TMEM117: variants seen among roughly 807,000 people sequenced by gnomAD.
The protein encoded by TMEM117 is transmembrane protein 117.
In TMEM117, 27 loss-of-function variants were observed where a neutral mutation model predicts 52.4. The ratio of observed to expected loss-of-function variants is 0.51; its 90% CI spans 0.38 to 0.71. The LOEUF is 0.71. Ranked by LOEUF, TMEM117 falls within the 30% of genes least tolerant of loss-of-function variation. The probability of loss-of-function intolerance (pLI) is 0.00; values close to 1 mark genes in which losing one functional copy is unlikely to be tolerated. For missense variants in TMEM117, 556 were observed against 630.5 expected, an observed-to-expected ratio of 0.88 and a Z score of 1.26; for synonymous variants, 215 against 206.3, an observed-to-expected ratio of 1.04 and a Z score of -0.36.
intron 4 of TMEM117, among the ~76,000 whole-genome samples, chr12:44,161,439 A>AG (rs1442484863): frequency 6.6e-6 from 1 of 152,184 alleles, no homozygotes; most frequent in Non-Finnish European, 1.5e-5. Flanking sequence ...ATGTCATGAT[A>AG]GGCTCTCATA....
chr12:44,282,919 A>G (rs1950595784), intron 5 of TMEM117, among the ~76,000 whole-genome samples: 1 of 152,220 alleles, frequency 6.6e-6, no homozygotes, highest in East Asian at 1.9e-4. Context: ...TGTGCAGCCT[A>G]GGGACTTGGT....
Position 44,249,247 on chromosome 12 carries a change from T to C in TMEM117, c.608+37860T>C, listed in dbSNP as rs1016693562. Among the ~76,000 whole-genome samples, 5 of 152,148 alleles carry C rather than the reference T, an allele frequency of 3.3e-5. No individual in the cohort carries two copies. In the South Asian group the frequency reaches 6.2e-4, roughly 19 times the overall value. On this transcript the variant is annotated intron_variant, in intron 5 of 7. Coordinates refer to ENST00000266534, the MANE Select transcript of TMEM117 (RefSeq NM_032256.3). The stretch of plus-strand genomic sequence containing the variant: ...TCAAATGTATGTGGTATACAACTAC[T>C]AATATCTTGTCGAAGTTACATGTTT...
chr12:44,108,258 G>A (rs948758672), intron 3 of TMEM117, among the ~76,000 whole-genome samples: 3 of 149,008 alleles, frequency 2.0e-5, no homozygotes, highest in Non-Finnish European at 3.0e-5. Context: ...ACATTGTGCA[G>A]GTTAGTTACA....
intron 5 of TMEM117, among the ~76,000 whole-genome samples, chr12:44,242,360 G>A (rs1255946096): frequency 6.6e-6 from 1 of 151,636 alleles, no homozygotes; most frequent in Non-Finnish European, 1.5e-5. Context: ...TTATCATTTA[G>A]CTCTCACTTG....
chr12:44,199,938 T>C, intron 4 of TMEM117, among the ~76,000 whole-genome samples: 1 of 151,954 alleles, frequency 6.6e-6, no homozygotes, highest in Admixed American at 6.6e-5. Flanking sequence ...GTCAACATGG[T>C]GAAATCCCAT....
At chr12:44,345,967 G>A (rs2138764800) in intron 6 of TMEM117, among the ~76,000 whole-genome samples, 1 of 152,152 alleles carries the variant, frequency 6.6e-6, no homozygotes, top group South Asian at 2.1e-4. Flanking sequence ...AAATCTTACA[G>A]ATCATCTACT....
rs553129845 is a variant in TMEM117 at position 43,970,689 on chromosome 12, T to C, written c.410+26347T>C. On this transcript the variant is annotated intron_variant, in intron 3 of 7. Transcript: ENST00000266534. ...TGTATATATAGGAAAAAACAGTATA[T>C]ATAGGGTTCAGTATTATCTGTGGTT... Among the ~76,000 whole-genome samples, 8 of 152,290 alleles carry C rather than the reference T, an allele frequency of 5.3e-5. No homozygotes were observed. In the East Asian group the frequency reaches 1.5e-3, roughly 29 times the overall value.
downstream of TMEM117, among the ~76,000 whole-genome samples, chr12:44,391,064 C>T (rs1952159275): frequency 6.6e-6 from 1 of 152,048 alleles, no homozygotes; most frequent in Middle Eastern, 3.2e-3. Flanking sequence ...GAAAGCTTAA[C>T]AAATGTGATG....
At chr12:44,278,014 G>A (rs181305974) in intron 5 of TMEM117, among the ~76,000 whole-genome samples, 44 of 151,844 alleles carry the variant, frequency 2.9e-4, no homozygotes, top group Admixed American at 3.9e-4. Context: ...TGCCTGCCTC[G>A]GCCTCCTAAA....
chr12:44,091,143 CA>C (rs1293797812), intron 3 of TMEM117, among the ~76,000 whole-genome samples: 1 of 151,900 alleles, frequency 6.6e-6, no homozygotes, highest in African/African-American at 2.4e-5. Flanking sequence ...ATGGTGGCGG[CA>C]AGAGAAAAAG....
chr12:43,845,460 C>CAA (rs10677136), intron 2 of TMEM117, among the ~76,000 whole-genome samples: 1,447 of 32,656 alleles, frequency 0.044, 173 homozygotes, highest in African/African-American at 0.094. Flanking sequence ...GACTCCATCT[C>CAA]AAAAAAAAAA....
Position 44,096,600 on chromosome 12 carries a change from A to G in TMEM117, c.411-46925A>G, listed in dbSNP as rs1308716757. 3.3e-5 allele frequency among the ~76,000 whole-genome samples: 5 copies of G among 151,494 alleles called. No individual in the cohort carries two copies. The South Asian group carries it at 6.2e-4, about 19-fold the overall frequency. ...CTGATCTTTGACAAACCTGAGAAAAACAAGCAATGGGGAAAGGATTCCCTA... is the reference window on the plus strand; with the variant it reads ...CTGATCTTTGACAAACCTGAGAAAAGCAAGCAATGGGGAAAGGATTCCCTA... On this transcript the variant is annotated intron_variant, in intron 3 of 7. Transcript: ENST00000266534.
chr12:44,368,684 C>G (rs1385383111), intron 6 of TMEM117, among the ~76,000 whole-genome samples: 1 of 152,096 alleles, frequency 6.6e-6, no homozygotes, highest in African/African-American at 2.4e-5. Context: ...GGAGCCAGAA[C>G]AGATACTGGA....
intron 5 of TMEM117, among the ~76,000 whole-genome samples, chr12:44,225,854 G>C (rs1186323474): frequency 2.0e-5 from 3 of 152,132 alleles, no homozygotes; most frequent in Non-Finnish European, 4.4e-5. Flanking sequence ...GTTTGGAGAA[G>C]GAAGGGTACT....
At chr12:44,250,897 A>C (rs971246455) in intron 5 of TMEM117, among the ~76,000 whole-genome samples, 9 of 152,146 alleles carry the variant, frequency 5.9e-5, no homozygotes, top group African/African-American at 2.2e-4. Context: ...TGCGGGGCTT[A>C]AAACCTGGAT....
intron 3 of TMEM117, among the ~76,000 whole-genome samples, chr12:44,027,222 G>A (rs925306864): frequency 7.9e-6 from 1 of 126,668 alleles, no homozygotes; most frequent in South Asian, 2.3e-4. Flanking sequence ...GTCTCTCTCC[G>A]CTGCCCAGGC....
intron 3 of TMEM117, among the ~76,000 whole-genome samples, chr12:43,946,373 A>G (rs1945130880): frequency 7.7e-6 from 1 of 129,576 alleles, no homozygotes; most frequent in Non-Finnish European, 1.6e-5. Context: ...TTTTGATATA[A>G]TTCTGTTTTT....
chr12:44,273,131 A>T (rs913989734), intron 5 of TMEM117, among the ~76,000 whole-genome samples: 1 of 152,072 alleles, frequency 6.6e-6, no homozygotes, highest in Non-Finnish European at 1.5e-5. Flanking sequence ...ACAGAAAACC[A>T]AACACCGCAT....
intron 2 of TMEM117, among the ~76,000 whole-genome samples, chr12:43,924,243 G>A (rs1944741612): frequency 6.6e-6 from 1 of 152,084 alleles, no homozygotes; most frequent in Admixed American, 6.6e-5. Flanking sequence ...TTAAAACTTG[G>A]GAGGAATATT....
Sources: allele counts gnomAD v4.1 joint callset (sites outside exome capture counted in the v4.1 genomes callset), GRCh38; gene constraint gnomAD v4.1.1; transcripts MANE v1.5; gene names NCBI Gene and HGNC (gene_info 2026-07-23, HGNC 2026-07-21).